The following NPHP4 variants were observed in gnomAD, a reference collection of about 807,000 sequenced individuals.
NPHP4 encodes nephrocystin 4.
In NPHP4, 151 loss-of-function variants were observed where a neutral mutation model predicts 155.8. The observed-to-expected ratio is 0.97, with a 90% CI of 0.85 to 1.11. The LOEUF is 1.11. NPHP4 is among the 50% of genes least tolerant of loss of function. NPHP4 has a pLI of 0.00. For synonymous variants in NPHP4, 845 were observed against 816.8 expected (o/e 1.03, Z -0.59); for missense variants, 1,956 against 1,925.7 (o/e 1.02, Z -0.29).
At chr1:5,894,357 G>A (rs1644289007) in intron 16 of NPHP4, among the ~76,000 whole-genome samples, 1 of 151,992 alleles carries the variant, frequency 6.6e-6, no homozygotes, top group African/African-American at 2.4e-5. Context: ...ATGAGACTGA[G>A]GCCCATCACT....
intron 3 of NPHP4, among the ~76,000 whole-genome samples, chr1:5,970,930 T>C (rs1008953114): frequency 6.6e-6 from 1 of 152,200 alleles, no homozygotes; most frequent in Non-Finnish European, 1.5e-5. Context: ...TGACAGGTGG[T>C]TGGACTAAGA....
intron 6 of NPHP4, among the ~76,000 whole-genome samples, chr1:5,959,038 G>A (rs1256294266): frequency 1.5e-5 from 2 of 135,522 alleles, no homozygotes; most frequent in East Asian, 2.6e-4. Context: ...GAGAGTGGGG[G>A]CGGGGGGCGG....
chr1:5,951,465 G>C lies in NPHP4; in HGVS notation c.810+1235C>G, dbSNP rs188382212. On this transcript the variant is annotated intron_variant, in intron 7 of 29. Coordinates refer to ENST00000378156, the MANE Select transcript of NPHP4 (RefSeq NM_015102.5). ...AGTGGTTTGCCCACAACCCAGGTCT[G>C]AGGGCCCCTCCTTCCAGAGTTGAGA... is the stretch of plus-strand genomic sequence containing the variant. Among the ~76,000 whole-genome samples, 647 of 152,342 alleles carry C rather than the reference G, an allele frequency of 4.2e-3. 5 individuals carry two copies. The highest frequency in any genetic ancestry group is 0.014 in the African/African-American group (600 of 41,564).
chr1:5,867,759 C>T lies in NPHP4; in HGVS notation c.3453G>A (p.Pro1151=), dbSNP rs527773699. 30 of 1,610,656 alleles carry T rather than the reference C, an allele frequency of 1.9e-5. No homozygotes were observed. The highest frequency in any genetic ancestry group is 4.0e-5 in the African/African-American group (3 of 75,008). The change falls in exon 24 of 30, where the codon CCG becomes CCA. Residue 1151 remains proline, a synonymous_variant. Transcript: ENST00000378156. This position sits in a 1 kb window ranked among gnomAD's most constrained non-coding sequence, Gnocchi z 4.1. ...ACCTGCCTGGAAATGTGTGCCAGGG[C>T]GGCAGGCGGATGGCCTTCTTCAGGA... ...LSFLKKAIRL[P]PWHTFPGAPV...
chr1:5,989,500 C>T (rs567464231), intron 1 of NPHP4, among the ~76,000 whole-genome samples: 1 of 152,204 alleles, frequency 6.6e-6, no homozygotes, highest in Non-Finnish European at 1.5e-5. Flanking sequence ...GAATTGCTCG[C>T]TGGCCAAGTT....
chr1:5,865,347 T>C (rs1641105939), intron 26 of NPHP4, 74 bp from the exon 27 acceptor site: 11 of 1,350,634 alleles, frequency 8.1e-6, no homozygotes, highest in Non-Finnish European at 1.1e-5. Context: ...CAACAAGGGC[T>C]GCCAGGAGCG....
At position 5,877,187 on chromosome 1, in the gene NPHP4, G is replaced by A. The variant is rs543726103; in HGVS notation, c.2723C>T (p.Ser908Leu). ...CAGCTTACGCCTGCGGGTGGCATCC[G>A]ACTCGCGGCTGACGTCCTGGGGCCC... ...GKGPQDVSRE[S>L]DATRRRKLER... The change falls in exon 20 of 30, where the codon TCG (serine) becomes TTG (leucine). Residue 908 changes from serine (S) to leucine (L), a missense_variant. Coordinates refer to ENST00000378156, the MANE Select transcript of NPHP4 (RefSeq NM_015102.5). 4.5e-5 allele frequency: 72 copies of A among 1,603,942 alleles called. 1 individual carries two copies. In the South Asian group the frequency reaches 5.3e-4, roughly 12 times the overall value.
rs980718847 is a variant in NPHP4, at chr1:5,946,523, A to C, written c.1119+581T>G. On this transcript the variant is annotated intron_variant, in intron 9 of 29. Transcript: ENST00000378156. ...ATACATGAAACTTACTGACCTATGCATTACTCCCAGCCAGCAGAATGCACC... is the reference window on the plus strand; with the variant it reads ...ATACATGAAACTTACTGACCTATGCCTTACTCCCAGCCAGCAGAATGCACC... Among the ~76,000 whole-genome samples, 7 of 152,234 alleles carry C rather than the reference A, an allele frequency of 4.6e-5. No homozygotes were observed. The East Asian group carries it at 1.3e-3, about 29-fold the overall frequency.
intron 6 of NPHP4, among the ~76,000 whole-genome samples, chr1:5,955,552 C>A (rs546227265): frequency 1.3e-5 from 2 of 152,368 alleles, no homozygotes; most frequent in Admixed American, 6.5e-5. Context: ...ACTTACGCAA[C>A]CACGATCAAA....
At chr1:5,913,390 G>A (rs931313703) in intron 11 of NPHP4, among the ~76,000 whole-genome samples, 2 of 152,140 alleles carry the variant, frequency 1.3e-5, no homozygotes, top group Admixed American at 6.5e-5. Context: ...TTCCCACCAC[G>A]GCAGGTTTCT....
chr1:5,882,397 T>A lies in NPHP4; in HGVS notation c.2486-2158A>T, dbSNP rs1240771455. On this transcript the variant is annotated intron_variant, in intron 18 of 29. Coordinates refer to ENST00000378156, the MANE Select transcript of NPHP4 (RefSeq NM_015102.5). This position sits in a 1 kb window ranked among gnomAD's most constrained non-coding sequence, Gnocchi z 5.1. ...TCAGTGGTGCGCTTACCCAGCCATC[T>A]CTTTCCAGGGGAATTAATTTCGTTC... 6.5e-6 allele frequency: 1 copy of A among 152,922 alleles called. No individual in the cohort carries two copies. Among genetic ancestry groups the A allele is most frequent in the Non-Finnish European group, 1.5e-5 (1 of 68,410 alleles). The allele number at this position is 152,922 out of a possible 1,614,324, so 9.5% of individuals were successfully genotyped here.
Position 5,880,183 on chromosome 1 carries a change from G to A in NPHP4, c.2542C>T (p.Arg848Trp), listed in dbSNP as rs17472401. The stretch of plus-strand genomic sequence containing the variant: ...CTGGCTCCATCGTTTGAGATGACCC[G>A]AGATCTGGACGGTGGCAATGTGCTA... ...GCSTLPPSRSRVISNDGASRF... is the reference protein window; with the variant it reads ...GCSTLPPSRSWVISNDGASRF... Residue 848 changes from arginine to tryptophan, a missense_variant, in exon 19 of 30, where the codon CGG becomes TGG. Arg to Trp is a moderately radical substitution (Grantham distance 101). Transcript: ENST00000378156. 0.021 allele frequency: 33,913 copies of A among 1,613,640 alleles called. 435 individuals are homozygous for A. Among genetic ancestry groups the A allele is most frequent in the Non-Finnish European group, 0.025 (29,072 of 1,179,712 alleles).
chr1:5,921,420 C>A (rs1192427985), intron 11 of NPHP4, among the ~76,000 whole-genome samples: 2 of 152,216 alleles, frequency 1.3e-5, no homozygotes, highest in Non-Finnish European at 2.9e-5. Flanking sequence ...CTCTTCAAAG[C>A]GGCTGCACAC....
intron 13 of NPHP4, among the ~76,000 whole-genome samples, 190 bp downstream of exon 13, chr1:5,906,925 C>G (rs769581469): frequency 2.0e-5 from 3 of 152,244 alleles, no homozygotes; most frequent in Non-Finnish European, 4.4e-5. Flanking sequence ...CTTCTTTGGT[C>G]TCCAAGACAG....
In NPHP4 at chr1:5,888,143, G is replaced by A. The variant is rs749370631; in HGVS notation, c.2305-677C>T. Among the ~76,000 whole-genome samples the A allele has an allele frequency of 2.0e-5, 3 of 152,202 alleles. No individual in the cohort carries two copies. In the South Asian group the frequency reaches 6.2e-4, roughly 32 times the overall value. ...TCTGCATGCCAGGCCGAGGCTGCTCGGGGCAGGGTGGGAGCAGGAAGCCTC... is the reference window on the plus strand; with the variant it reads ...TCTGCATGCCAGGCCGAGGCTGCTCAGGGCAGGGTGGGAGCAGGAAGCCTC... On this transcript the variant is annotated intron_variant, in intron 17 of 29. Transcript: ENST00000378156.
intron 6 of NPHP4, among the ~76,000 whole-genome samples, chr1:5,960,562 C>A (rs1322798585): frequency 1.3e-5 from 2 of 152,158 alleles, no homozygotes; most frequent in Non-Finnish European, 2.9e-5. Context: ...TCCTGCTCTT[C>A]CTGGAACCCA....
chr1:5,903,829 C>T (rs896899629), intron 16 of NPHP4, among the ~76,000 whole-genome samples: 2 of 152,182 alleles, frequency 1.3e-5, no homozygotes, highest in African/African-American at 4.8e-5. Context: ...CACCTCTGCA[C>T]AAATGACACA....
At position 5,863,009 on chromosome 1, in the gene NPHP4, C is replaced by T. The variant is rs1640800634; in HGVS notation, c.*256G>A. On this transcript the variant is annotated 3_prime_UTR_variant, in exon 30 of 30. Coordinates refer to ENST00000378156, the MANE Select transcript of NPHP4 (RefSeq NM_015102.5). Reference sequence around the variant, plus strand: ...GGTCCCACATGCGTAGATGGCAGCACCAGAGCCAGACCCACCACCACGGAG... The same window carrying T: ...GGTCCCACATGCGTAGATGGCAGCATCAGAGCCAGACCCACCACCACGGAG... The T allele has an allele frequency of 1.9e-6, 1 of 539,720 alleles. No individual in the cohort carries two copies. Among genetic ancestry groups the T allele is most frequent in the African/African-American group, 1.9e-5 (1 of 53,024 alleles). 33.4% of individuals were successfully genotyped at this position (539,720 alleles called of 1,614,324 possible).
intron 13 of NPHP4, among the ~76,000 whole-genome samples, chr1:5,906,127 G>C (rs188785553): frequency 1.3e-5 from 2 of 152,230 alleles, no homozygotes; most frequent in African/African-American, 4.8e-5. Flanking sequence ...GGTCAGGACC[G>C]TGGGAGATAC....
Sources: gnomAD v4.1 joint callset for allele counts (sites outside exome capture counted in the v4.1 genomes callset) on GRCh38, gnomAD v4.1.1 for gene constraint, Gnocchi (gnomAD v3.1) non-coding constraint, MANE v1.5 for transcripts, NCBI Gene and HGNC (gene_info 2026-07-23, HGNC 2026-07-21) for gene names.